Variants in MPP7 observed in about 807,000 individuals in gnomAD.
The protein encoded by MPP7 is MAGUK p55 scaffold protein 7.
In MPP7, 60 loss-of-function variants were observed where a neutral mutation model predicts 76.5. That is an observed-to-expected ratio of 0.78 (90% confidence interval 0.64 to 0.97). The LOEUF is 0.97. MPP7 is among the 50% of genes least tolerant of loss of function. The pLI is 0.00. For missense variants in MPP7, 641 were observed against 694.0 expected, an observed-to-expected ratio of 0.92 and a Z score of 0.86; for synonymous variants, 237 against 244.5, an observed-to-expected ratio of 0.97 and a Z score of 0.29.
chr10:28,175,494 A>G (rs958588938), intron 3 of MPP7, among the ~76,000 whole-genome samples: 1 of 152,164 alleles, frequency 6.6e-6, no homozygotes, highest in Non-Finnish European at 1.5e-5. Flanking sequence ...GATTAAAAGA[A>G]CATACTGAAT....
At chr10:28,150,879 A>G (rs1835862592) in intron 3 of MPP7, among the ~76,000 whole-genome samples, 1 of 152,188 alleles carries the variant, frequency 6.6e-6, no homozygotes, top group Non-Finnish European at 1.5e-5. Context: ...AAAGTTGAGA[A>G]ACAAAAGACG....
chr10:28,132,883 C>A (rs1835238966), intron 5 of MPP7, among the ~76,000 whole-genome samples: 1 of 116,890 alleles, frequency 8.6e-6, no homozygotes, highest in Non-Finnish European at 2.1e-5. Flanking sequence ...CAGGCATGAG[C>A]CACTGCACCT....
rs1327439191 is a variant in MPP7 at position 28,312,112 on chromosome 10, G to A, written c.-132+17817C>T. Among the ~76,000 whole-genome samples the A allele has an allele frequency of 3.9e-5, 6 of 152,238 alleles. No homozygotes were observed. In the East Asian group the frequency reaches 5.8e-4, roughly 15 times the overall value. On this transcript the variant is annotated intron_variant, in intron 2 of 11. Transcript: ENST00000441595. ...AGCAGCAAGATTTATTGTGAAGAGCGAAAGAACAAAGCTTCCACAGCGTGA... is the reference window on the plus strand; with the variant it reads ...AGCAGCAAGATTTATTGTGAAGAGCAAAAGAACAAAGCTTCCACAGCGTGA...
At chr10:28,056,650 C>A in intron 15 of MPP7, 27 bp from the exon 16 acceptor site, 1 of 1,522,992 alleles carries the variant, frequency 6.6e-7, no homozygotes, top group South Asian at 1.3e-5. Flanking sequence ...AAAGTTTTCT[C>A]ACATTTCTCC....
At chr10:28,316,122 TAAA>T (rs1277542249) in intron 2 of MPP7, among the ~76,000 whole-genome samples, 3 of 151,908 alleles carry the variant, frequency 2.0e-5, no homozygotes, top group Non-Finnish European at 2.9e-5. Flanking sequence ...CCTGAAACAG[TAAA>T]AGGATATCAC....
chr10:28,070,164 G>A (rs988733809), intron 12 of MPP7, among the ~76,000 whole-genome samples: 9 of 152,122 alleles, frequency 5.9e-5, no homozygotes, highest in African/African-American at 7.2e-5. Flanking sequence ...TTGGGAGGCC[G>A]AGGTGGGCAG....
intron 1 of MPP7, among the ~76,000 whole-genome samples, chr10:28,255,205 C>A (rs954352212): frequency 6.6e-6 from 1 of 152,082 alleles, no homozygotes; most frequent in Non-Finnish European, 1.5e-5. Context: ...CCTCTGCCTC[C>A]CAGGTTCAAG....
chr10:28,219,591 T>C (rs138690463), intron 2 of MPP7, among the ~76,000 whole-genome samples: 1 of 152,274 alleles, frequency 6.6e-6, no homozygotes, highest in East Asian at 1.9e-4. Context: ...ATCATACTCA[T>C]ATAAGCAACC....
At chr10:28,223,866 G>T (rs1484195901) in intron 2 of MPP7, among the ~76,000 whole-genome samples, 1 of 150,182 alleles carries the variant, frequency 6.7e-6, no homozygotes, top group Admixed American at 6.7e-5. Context: ...AATGTCATTG[G>T]TCTTTATCTT....
chr10:28,311,818 C>A (rs990838811), intron 2 of MPP7, among the ~76,000 whole-genome samples: 1 of 151,990 alleles, frequency 6.6e-6, no homozygotes, highest in African/African-American at 2.4e-5. Flanking sequence ...ACTAATGCTC[C>A]GTCCTCCCTC....
At chr10:28,321,037 G>T (rs150604215) in intron 2 of MPP7, among the ~76,000 whole-genome samples, 20 of 152,022 alleles carry the variant, frequency 1.3e-4, no homozygotes, top group African/African-American at 4.8e-4. Flanking sequence ...CCTCCCCACC[G>T]GGGAGATAGG....
At chr10:28,176,354 A>ACAAAG (rs146327012) in intron 3 of MPP7, among the ~76,000 whole-genome samples, 8 of 150,592 alleles carry the variant, frequency 5.3e-5, no homozygotes, top group Non-Finnish European at 1.0e-4. Flanking sequence ...ACAAAACAAA[A>ACAAAG]CAAAACAAAA....
chr10:28,323,627 G>A (rs575395508), intron 2 of MPP7, among the ~76,000 whole-genome samples: 70 of 152,200 alleles, frequency 4.6e-4, no homozygotes, highest in African/African-American at 1.6e-3. Context: ...AAGGGATCAC[G>A]TGAGGCCAGG....
chr10:28,222,412 G>A (rs572080096), intron 2 of MPP7, among the ~76,000 whole-genome samples: 229 of 152,202 alleles, frequency 1.5e-3, no homozygotes, highest in Middle Eastern at 3.4e-3. Flanking sequence ...CTGGGCCTGG[G>A]AGTTGAGGCT....
chr10:28,096,207 T>C (rs1241938753), intron 11 of MPP7, among the ~76,000 whole-genome samples: 3 of 152,202 alleles, frequency 2.0e-5, no homozygotes, highest in Non-Finnish European at 4.4e-5. Context: ...TTAGGGCAAA[T>C]TGCTAGAAAC....
intron 2 of MPP7, among the ~76,000 whole-genome samples, chr10:28,311,707 A>C (rs2133174909): frequency 6.6e-6 from 1 of 152,048 alleles, no homozygotes; most frequent in East Asian, 1.9e-4. Flanking sequence ...ACATAGCAAG[A>C]CCCCATCTCT....
chr10:28,300,623 T>C (rs1297060067), intron 1 of MPP7, among the ~76,000 whole-genome samples: 1 of 152,070 alleles, frequency 6.6e-6, no homozygotes, highest in Non-Finnish European at 1.5e-5. Context: ...ACAGAGGTAT[T>C]AGCCACAAAA....
Position 28,269,518 on chromosome 10 carries a change from T to C in MPP7, c.-131-30783A>G, listed in dbSNP as rs534808913. On this transcript the variant is annotated intron_variant, in intron 1 of 16. Transcript: ENST00000683449. ...TTCACCTTCACAGTTTGAATATTTGTTTTTATCTTTTTTTTTTTTTTTTTA... is the reference window on the plus strand; with the variant it reads ...TTCACCTTCACAGTTTGAATATTTGCTTTTATCTTTTTTTTTTTTTTTTTA... Among the ~76,000 whole-genome samples the C allele has an allele frequency of 7.8e-4, 116 of 148,106 alleles. 1 individual carries two copies. The East Asian group carries it at 0.022, about 29-fold the overall frequency.
chr10:28,184,171 G>A (rs1441445785), intron 3 of MPP7, among the ~76,000 whole-genome samples: 1 of 138,906 alleles, frequency 7.2e-6, no homozygotes, highest in Non-Finnish European at 1.5e-5. Flanking sequence ...TATATATTAA[G>A]ATCTATGTCT....
Sources: allele counts gnomAD v4.1 joint callset (sites outside exome capture counted in the v4.1 genomes callset), GRCh38; gene constraint gnomAD v4.1.1; transcripts MANE v1.5; gene names NCBI Gene and HGNC (gene_info 2026-07-23, HGNC 2026-07-21).